Variants in SLC24A4 observed in about 807,000 individuals in gnomAD.
The protein encoded by SLC24A4 is solute carrier family 24 member 4.
Under a neutral mutation model 79.0 loss-of-function variants are expected in SLC24A4, and 53 were observed. The ratio of observed to expected loss-of-function variants is 0.67; its 90% CI spans 0.54 to 0.84. The LOEUF (loss-of-function observed/expected upper bound fraction) is 0.84. Ranked by LOEUF, SLC24A4 falls within the 40% of genes least tolerant of loss-of-function variation. SLC24A4 has a pLI of 0.00. For missense variants in SLC24A4, 731 were observed against 822.0 expected, an observed-to-expected ratio of 0.89 and a Z score of 1.35; for synonymous variants, 323 against 323.8, an observed-to-expected ratio of 1.00 and a Z score of 0.03.
At chr14:92,470,107 G>T (rs1301801917) in intron 12 of SLC24A4, among the ~76,000 whole-genome samples, 1 of 152,160 alleles carries the variant, frequency 6.6e-6, no homozygotes, top group Admixed American at 6.5e-5. Flanking sequence ...CTAGAGTGGT[G>T]GTCCTCAAAG....
chr14:92,354,997 C>T (rs1041183606), intron 2 of SLC24A4, among the ~76,000 whole-genome samples: 1 of 152,136 alleles, frequency 6.6e-6, no homozygotes, highest in Non-Finnish European at 1.5e-5. Context: ...TCGCTTGAAC[C>T]CAGGAGGCAG....
rs1895988320 is a variant in SLC24A4, at chr14:92,497,964, C to T, written c.*4336C>T. 6.6e-6 allele frequency: 1 copy of T among 152,176 alleles called. No homozygotes were observed. Among genetic ancestry groups the T allele is most frequent in the South Asian group, 2.1e-4 (1 of 4,832 alleles). The allele number at this position is 152,176 out of a possible 1,614,324, so 9.4% of individuals were successfully genotyped here. On this transcript the variant is annotated 3_prime_UTR_variant, in exon 17 of 17. Coordinates refer to ENST00000532405, the MANE Select transcript of SLC24A4 (RefSeq NM_153646.4). ...TAAATATTCATGGTCTCTCTAATGCCCTCAAGACGTGATTTCCATGGGAAC... is the reference window on the plus strand; with the variant it reads ...TAAATATTCATGGTCTCTCTAATGCTCTCAAGACGTGATTTCCATGGGAAC...
At chr14:92,361,116 T>C (rs1887486050) in intron 2 of SLC24A4, among the ~76,000 whole-genome samples, 1 of 152,164 alleles carries the variant, frequency 6.6e-6, no homozygotes, top group Non-Finnish European at 1.5e-5. Context: ...CTCTGCCAAC[T>C]GTGCCCATGG....
intron 13 of SLC24A4, chr14:92,483,633 G>C: frequency 1.2e-6 from 1 of 806,100 alleles, no homozygotes; most frequent in African/African-American, 1.8e-5. Flanking sequence ...ACCTTTCATC[G>C]GCTGGGCTGG....
Position 92,325,908 on chromosome 14 carries a change from C to T in SLC24A4, c.171C>T (p.Asp57=). The T allele has an allele frequency of 6.2e-7, 1 of 1,612,622 alleles. No individual in the cohort carries two copies. The highest frequency in any genetic ancestry group is 8.5e-7 in the Non-Finnish European group (1 of 1,179,372). The stretch of plus-strand genomic sequence containing the variant: ...CTGCTAGCAAACGTGTCCTGCCAGA[C>T]ACGTGGAGAAATAGAAAGTTGATGG... ...TASASKRVLP[D]TWRNRKLMAP... is the part of the protein sequence containing the mutation. The change falls in exon 2 of 17, where the codon GAC becomes GAT. Residue 57 remains aspartate (D), a synonymous_variant. Coordinates refer to ENST00000532405, the MANE Select transcript of SLC24A4 (RefSeq NM_153646.4).
chr14:92,429,652 A>T (rs1316898754), intron 2 of SLC24A4, among the ~76,000 whole-genome samples: 1 of 152,162 alleles, frequency 6.6e-6, no homozygotes, highest in African/African-American at 2.4e-5. Flanking sequence ...CTGCTCCTGG[A>T]TGGAGGAGAC....
intron 3 of SLC24A4, among the ~76,000 whole-genome samples, chr14:92,434,317 G>A (rs142720256): frequency 1.2e-3 from 186 of 152,208 alleles, no homozygotes; most frequent in African/African-American, 3.9e-3. Context: ...TCAGTGTTGC[G>A]TGGCACATGA....
intron 2 of SLC24A4, among the ~76,000 whole-genome samples, chr14:92,344,285 T>C (rs923793903): frequency 2.6e-5 from 4 of 152,230 alleles, no homozygotes; most frequent in African/African-American, 9.7e-5. Context: ...GCCTGGATTC[T>C]AGAATGGAAG....
At chr14:92,376,273 G>A (rs1405153280) in intron 2 of SLC24A4, among the ~76,000 whole-genome samples, 1 of 152,198 alleles carries the variant, frequency 6.6e-6, no homozygotes, top group Non-Finnish European at 1.5e-5. Context: ...TTGGTGAGGA[G>A]ACAAAGCTCT....
chr14:92,447,484 C>T, intron 9 of SLC24A4, 60 bp downstream of exon 9: 1 of 1,481,434 alleles, frequency 6.8e-7, no homozygotes, highest in Non-Finnish European at 9.4e-7. Context: ...CTGCTACAGC[C>T]TTTTGTGACA....
intron 2 of SLC24A4, among the ~76,000 whole-genome samples, chr14:92,404,492 G>GCTC: frequency 6.6e-6 from 1 of 152,244 alleles, no homozygotes; most frequent in East Asian, 1.9e-4. Context: ...CAGCACACTG[G>GCTC]CAGGAGATGT....
chr14:92,323,092 G>C (rs1362721363), upstream of SLC24A4: 3 of 152,318 alleles, frequency 2.0e-5, no homozygotes, highest in Non-Finnish European at 2.9e-5. The surrounding 1 kb of genome is among the most constrained non-coding windows in gnomAD (Gnocchi z 4.9). Context: ...TGGGAAGGGC[G>C]GGGGGTGAGA....
chr14:92,428,779 G>C (rs150398512), intron 2 of SLC24A4, among the ~76,000 whole-genome samples: 6 of 152,346 alleles, frequency 3.9e-5, no homozygotes, highest in Admixed American at 3.9e-4. Flanking sequence ...GAGTCCCTTG[G>C]GGGGAGGGGA....
chr14:92,362,190 C>T (rs1309057173), intron 2 of SLC24A4, among the ~76,000 whole-genome samples: 2 of 129,684 alleles, frequency 1.5e-5, no homozygotes, highest in East Asian at 4.9e-4. Flanking sequence ...CGGCCTGAAT[C>T]CTTGCTGACC....
chr14:92,434,418 G>C (rs1480689592), intron 3 of SLC24A4, among the ~76,000 whole-genome samples: 2 of 152,132 alleles, frequency 1.3e-5, no homozygotes, highest in African/African-American at 4.8e-5. Flanking sequence ...CCCCAAGTTA[G>C]GATGGTTCCA....
chr14:92,402,924 T>A (rs527916059), intron 2 of SLC24A4, among the ~76,000 whole-genome samples: 1 of 152,128 alleles, frequency 6.6e-6, no homozygotes, highest in African/African-American at 2.4e-5. Context: ...AACCCTGAAA[T>A]CTCAGTAGCT....
chr14:92,377,167 G>T (rs1401424360), intron 2 of SLC24A4, among the ~76,000 whole-genome samples: 1 of 152,222 alleles, frequency 6.6e-6, no homozygotes, highest in African/African-American at 2.4e-5. Flanking sequence ...GCTGGGTTTC[G>T]AACTTGGATC....
intron 2 of SLC24A4, among the ~76,000 whole-genome samples, chr14:92,424,905 C>T (rs1340695589): frequency 1.0e-5 from 1 of 96,312 alleles, no homozygotes; most frequent in Non-Finnish European, 2.4e-5. Context: ...CAAAACCCAG[C>T]TCTTGCGGGA....
intron 2 of SLC24A4, among the ~76,000 whole-genome samples, chr14:92,426,717 A>G (rs1479512034): frequency 6.6e-6 from 1 of 151,380 alleles, no homozygotes; most frequent in African/African-American, 2.4e-5. Context: ...CATGAAAGGC[A>G]TAAAATTCTT....
Sources: gnomAD v4.1 joint callset for allele counts (sites outside exome capture counted in the v4.1 genomes callset) on GRCh38, gnomAD v4.1.1 for gene constraint, Gnocchi (gnomAD v3.1) non-coding constraint, MANE v1.5 for transcripts, NCBI Gene and HGNC (gene_info 2026-07-23, HGNC 2026-07-21) for gene names.